CUL9: variants seen among roughly 807,000 people sequenced by gnomAD.
CUL9 encodes the protein cullin 9, also known as cullin-9.
A neutral mutation model predicts 272.6 loss-of-function variants in CUL9; 79 were observed. That is an observed-to-expected ratio of 0.29 (90% CI 0.24 to 0.35). CUL9 has a LOEUF of 0.35. Ranked by LOEUF, CUL9 falls within the 10% of genes least tolerant of loss-of-function variation. CUL9 has a pLI of 1.00. For missense variants in CUL9, 2,532 were observed against 3,255.6 expected (o/e 0.78, Z 5.41); for synonymous variants, 1,186 against 1,286.5 (o/e 0.92, Z 1.67).
chr6:43,214,214 G>GT (rs560313102), intron 29 of CUL9, among the ~76,000 whole-genome samples: 3 of 152,080 alleles, frequency 2.0e-5, no homozygotes, highest in South Asian at 4.2e-4. Flanking sequence ...GAGGCCAGGA[G>GT]TTTGATACCA....
intron 26 of CUL9, among the ~76,000 whole-genome samples, chr6:43,209,851 T>C (rs1197302370): frequency 6.6e-6 from 1 of 152,116 alleles, no homozygotes; most frequent in African/African-American, 2.4e-5. Flanking sequence ...TTTTACCATA[T>C]TGGCCAGGCT....
Position 43,202,810 on chromosome 6 carries a change from G to A in CUL9, c.3742G>A (p.Glu1248Lys). 1 of 1,614,102 alleles carries A rather than the reference G, an allele frequency of 6.2e-7. No individual in the cohort carries two copies. Among genetic ancestry groups the A allele is most frequent in the Non-Finnish European group, 8.5e-7 (1 of 1,179,992 alleles). ...TGACAGCACCAGCTGCATCGGCACT[G>A]AGCTCAACACGGTGGGGACCCTTGT... is the stretch of plus-strand genomic sequence containing the variant. Reference protein sequence around the residue: ...GGDSTSCIGTELNTVNVMPSA... With the variant: ...GGDSTSCIGTKLNTVNVMPSA... Residue 1248 changes from glutamate (E) to lysine (K), a missense_variant, in exon 17 of 41, where the codon GAG (glutamate) becomes AAG (lysine). This residue lies in a region of CUL9 where 2,218 missense variants were observed against 2,788.6 expected (regional missense o/e 0.80). Coordinates refer to ENST00000252050, the MANE Select transcript of CUL9 (RefSeq NM_015089.4).
Position 43,224,491 on chromosome 6 carries a change from G to T in CUL9, c.*46G>T, listed in dbSNP as rs1428016444. 4 of 1,567,230 alleles carry T rather than the reference G, an allele frequency of 2.6e-6. No homozygotes were observed. In the Admixed American group the frequency reaches 7.3e-5, roughly 28 times the overall value. On this transcript the variant is annotated 3_prime_UTR_variant, in exon 41 of 41. Coordinates refer to ENST00000252050, the MANE Select transcript of CUL9 (RefSeq NM_015089.4). The surrounding 1 kb of genome is among the most constrained non-coding windows in gnomAD (Gnocchi z 4.2). ...CCTAGAGCAGCCCCAGAGTCACGGG[G>T]CTGAGGGGGCGGGAGCTGCCCCTGT...
In CUL9 at chr6:43,213,585, G is replaced by A. The variant is rs769941086; in HGVS notation, c.5488+18G>A. 8.1e-6 allele frequency: 13 copies of A among 1,611,622 alleles called. No individual in the cohort carries two copies. The highest frequency in any genetic ancestry group is 1.7e-4 in the Middle Eastern group (1 of 6,004). On this transcript the variant is annotated intron_variant, in intron 28 of 40. Coordinates refer to ENST00000252050, the MANE Select transcript of CUL9 (RefSeq NM_015089.4). This position sits in a 1 kb window ranked among gnomAD's most constrained non-coding sequence, Gnocchi z 5.7. ...ACACGGGGGTAGGTCATTGGGGGCC[G>A]GGCTGAGCCTCTGCTGCTGGTCGGG...
At chr6:43,205,193 C>T in intron 23 of CUL9, 70 bp from the exon 24 acceptor site, 1 of 1,589,806 alleles carries the variant, frequency 6.3e-7, no homozygotes, top group Admixed American at 1.7e-5. Flanking sequence ...CTTTCACCTC[C>T]TTTCGCTCCC....
chr6:43,214,515 T>C (rs1775777202), intron 29 of CUL9, among the ~76,000 whole-genome samples: 1 of 151,594 alleles, frequency 6.6e-6, no homozygotes, highest in African/African-American at 2.4e-5. Context: ...AGAAACTTAG[T>C]AGTGGCCGGG....
rs113650111 is a variant in CUL9, at chr6:43,196,086, C to G, written c.2406C>G (p.Ala802=). 6.2e-7 allele frequency: 1 copy of G among 1,612,850 alleles called. No individual in the cohort carries two copies. Among genetic ancestry groups the G allele is most frequent in the African/African-American group, 1.3e-5 (1 of 74,862 alleles). Residue 802 remains alanine, a synonymous_variant, in exon 10 of 41, where the codon GCC becomes GCG. Coordinates refer to ENST00000252050, the MANE Select transcript of CUL9 (RefSeq NM_015089.4). The part of the protein sequence containing the change: ...QAGLAALKML[A]VASSSEIPTF... ...CCTCACAGGCACTGAAGATGCTGGC[C>G]GTCGCCAGCTCCTCGGAGATCCCCA...
Position 43,196,770 on chromosome 6 carries a change from C to T in CUL9, c.2711C>T (p.Ala904Val). ...RDTLFRHSGI[A>V]PRTEPMPTTR... ...ACGTTGTTTAGGCACTCAGGGATAG[C>T]ACCAAGAACAGAACCTATGCCTACC... The change falls in exon 11 of 41, where the codon GCA (alanine) becomes GTA (valine). Residue 904 changes from alanine to valine, a missense_variant. Physicochemically the swap from Ala to Val is moderately conservative, Grantham distance 64 (BLOSUM62 0). Transcript: ENST00000252050. 3.7e-6 allele frequency: 6 copies of T among 1,614,174 alleles called. No homozygotes were observed. Among genetic ancestry groups the T allele is most frequent in the Non-Finnish European group, 4.2e-6 (5 of 1,180,024 alleles).
rs1376628118 is a variant in CUL9 at position 43,203,939 on chromosome 6, T to G, written c.4111T>G (p.Cys1371Gly). Residue 1371 changes from cysteine (C) to glycine (G), a missense_variant, in exon 20 of 41, where the codon TGC becomes GGC. Transcript: ENST00000252050. This position sits in a 1 kb window ranked among gnomAD's most constrained non-coding sequence, Gnocchi z 5.0. ...DEAAQALGKT[C>G]WEALVSPLVQ... The stretch of plus-strand genomic sequence containing the variant: ...GGCCGCCCAGGCACTGGGCAAGACC[T>G]GCTGGGAGGCCCTGGTCAGCCCCCT... 2 of 1,612,478 alleles carry G rather than the reference T, an allele frequency of 1.2e-6. No homozygotes were observed. The highest frequency in any genetic ancestry group is 1.3e-5 in the African/African-American group (1 of 74,858).
intron 8 of CUL9, among the ~76,000 whole-genome samples, chr6:43,189,174 ATT>A (rs1377071003): frequency 7.3e-6 from 1 of 137,878 alleles, no homozygotes; most frequent in African/African-American, 2.8e-5. Context: ...AACCTACTTT[ATT>A]TTAAATTTTT....
chr6:43,216,650 G>A lies in CUL9; in HGVS notation c.6282+147G>A, dbSNP rs1048125270. The stretch of plus-strand genomic sequence containing the variant: ...TAGTCTCTTAGTCCTTCTTAAACTA[G>A]TTTTGTCATCTGTAAGTGGTACCAC... On this transcript the variant is annotated intron_variant, in intron 31 of 40. Transcript: ENST00000252050. 1.0e-5 allele frequency: 8 copies of A among 764,522 alleles called. No homozygotes were observed. The African/African-American group carries it at 1.2e-4, about 12-fold the overall frequency. The allele number at this position is 764,522 out of a possible 1,614,324, so 47.4% of individuals were successfully genotyped here.
Position 43,186,135 on chromosome 6 carries a change from T to A in CUL9, c.931T>A (p.Ser311Thr), listed in dbSNP as rs754748621. Residue 311 changes from serine (S) to threonine (T), a missense_variant, in exon 4 of 41, where the codon TCT (serine) becomes ACT (threonine). Physicochemically the swap from Ser to Thr is moderately conservative, Grantham distance 58. Coordinates refer to ENST00000252050, the MANE Select transcript of CUL9 (RefSeq NM_015089.4). ...CAGCATGGCTGTGGGCAACCTCATC[T>A]CTGAGCTTGTGCGGAGCATGGGCTG... The part of the protein sequence containing the change: ...EFSMAVGNLI[S>T]ELVRSMGWAR... The A allele has an allele frequency of 1.9e-6, 3 of 1,614,116 alleles. No individual in the cohort carries two copies. Among genetic ancestry groups the A allele is most frequent in the Non-Finnish European group, 2.5e-6 (3 of 1,180,050 alleles).
At chr6:43,189,148 T>TC (rs1020192146) in intron 8 of CUL9, among the ~76,000 whole-genome samples, 1 of 151,808 alleles carries the variant, frequency 6.6e-6, no homozygotes, top group African/African-American at 2.4e-5. Context: ...TTTTTTTTTT[T>TC]CACATTAGAC....
intron 31 of CUL9, among the ~76,000 whole-genome samples, chr6:43,219,844 G>A (rs1205656196): frequency 6.6e-6 from 1 of 152,168 alleles, no homozygotes; most frequent in African/African-American, 2.4e-5. Flanking sequence ...AGGGGATAAT[G>A]GCCTGATTTA....
At chr6:43,190,654 A>G (rs956725061) in intron 8 of CUL9, among the ~76,000 whole-genome samples, 4 of 152,216 alleles carry the variant, frequency 2.6e-5, no homozygotes, top group Non-Finnish European at 5.9e-5. Flanking sequence ...TATCTGGTAT[A>G]TAATAAATCA....
rs1776561365 is a variant in CUL9, at chr6:43,223,626, GC to G, written c.7284+232del. On this transcript the variant is annotated intron_variant, in intron 39 of 40. Coordinates refer to ENST00000252050, the MANE Select transcript of CUL9 (RefSeq NM_015089.4). The surrounding 1 kb of genome is among the most constrained non-coding windows in gnomAD (Gnocchi z 4.1). ...TCCTACAAAATAAAGGGGTTGGCTA[GC>G]CCACATCAAGGGTATTTGGTCAGGT... The G allele has an allele frequency of 1.7e-6, 1 of 594,170 alleles. No homozygotes were observed. Among genetic ancestry groups the G allele is most frequent in the Admixed American group, 3.0e-5 (1 of 33,264 alleles). 36.8% of individuals were successfully genotyped at this position (594,170 alleles called of 1,614,324 possible). A position where few individuals can be genotyped will look rare whatever the true frequency, so the allele number is the denominator to read the frequency against.
rs757819421 is a variant in CUL9 at position 43,223,437 on chromosome 6, C to T, written c.7284+40C>T. On this transcript the variant is annotated intron_variant, in intron 39 of 40. Coordinates refer to ENST00000252050, the MANE Select transcript of CUL9 (RefSeq NM_015089.4). This position sits in a 1 kb window ranked among gnomAD's most constrained non-coding sequence, Gnocchi z 4.1. ...AGACCCCTTCTGCTCCTGCATTCTG[C>T]GGGAGTTGAGGTCCTCCTGTCCCAG... The T allele has an allele frequency of 2.7e-5, 42 of 1,550,610 alleles. No homozygotes were observed. The highest frequency in any genetic ancestry group is 3.5e-5 in the Non-Finnish European group (40 of 1,142,258).
chr6:43,188,980 TATC>T (rs2150528035), intron 8 of CUL9: 1 of 315,968 alleles, frequency 3.2e-6, no homozygotes, highest in African/African-American at 2.1e-5. Context: ...GTAATATTAT[TATC>T]CTACTATATG....
At chr6:43,208,572 G>C (rs1775222307) in intron 26 of CUL9, among the ~76,000 whole-genome samples, 1 of 152,180 alleles carries the variant, frequency 6.6e-6, no homozygotes, top group Admixed American at 6.5e-5. Context: ...TGCAGGTTTA[G>C]AAATTCCAGA....
Sources: allele counts gnomAD v4.1 joint callset (sites outside exome capture counted in the v4.1 genomes callset), GRCh38; gene constraint gnomAD v4.1.1; regional missense constraint gnomAD v4.1.1; non-coding constraint Gnocchi (gnomAD v3.1); transcripts MANE v1.5; gene names NCBI Gene and HGNC (gene_info 2026-07-23, HGNC 2026-07-21).